ACOT9: variants seen among roughly 807,000 people sequenced by gnomAD.
ACOT9 encodes the protein acyl-coenzyme A thioesterase 9, mitochondrial.
In ACOT9, 34 loss-of-function variants were observed where a neutral mutation model predicts 39.7. The observed-to-expected ratio is 0.86, with a 90% CI of 0.65 to 1.14. ACOT9 has a LOEUF of 1.14. ACOT9 is among the 50% of genes most tolerant of loss of function. The pLI, the probability that ACOT9 is intolerant of heterozygous loss-of-function variation, is 0.00. For missense variants in ACOT9, 313 were observed against 344.1 expected, an observed-to-expected ratio of 0.91 and a Z score of 0.71; for synonymous variants, 110 against 120.5, an observed-to-expected ratio of 0.91 and a Z score of 0.57.
chrX:23,734,703 A>G (rs1003750572), intron 2 of ACOT9, among the ~76,000 whole-genome samples: 1 of 111,366 alleles, frequency 9.0e-6, no homozygotes, highest in East Asian at 2.8e-4. Context: ...ACTTAGTCTT[A>G]TTTCTGATTT....
chrX:23,719,821 C>G (rs1706152214), intron 8 of ACOT9, among the ~76,000 whole-genome samples: 1 of 101,753 alleles, frequency 9.8e-6, no homozygotes, highest in Non-Finnish European at 2.0e-5. Context: ...ACTCAATACC[C>G]TGGCATAAAT....
intron 3 of ACOT9, among the ~76,000 whole-genome samples, chrX:23,733,674 G>A (rs1297840742): frequency 9.0e-6 from 1 of 111,633 alleles, no homozygotes; most frequent in African/African-American, 3.3e-5. Flanking sequence ...CACCTCCCGG[G>A]TTCAGGCGAT....
chrX:23,743,121 C>A lies in ACOT9; in HGVS notation c.20+4G>T. 8.6e-7 allele frequency: 1 copy of A among 1,158,959 alleles called. No homozygotes were observed. Among genetic ancestry groups the A allele is most frequent in the Non-Finnish European group, 1.2e-6 (1 of 868,166 alleles). On this transcript the variant is annotated splice_donor_region_variant and intron_variant, in intron 1 of 15. Coordinates refer to ENST00000379303, the MANE Select transcript of ACOT9 (RefSeq NM_001037171.2). ...GCCAGCCCCTTCCACGCCCCGCCAC[C>A]TACCGCAGTGCTGCCCGCCTCATTG...
chrX:23,719,453 C>T (rs1377190612), intron 8 of ACOT9, among the ~76,000 whole-genome samples: 1 of 110,336 alleles, frequency 9.1e-6, no homozygotes, highest in Non-Finnish European at 1.9e-5. Flanking sequence ...AATGCTTCAT[C>T]ATTCCATAGC....
At position 23,706,739 on chromosome X, in the gene ACOT9, A is replaced by G; in HGVS notation, c.731T>C (p.Leu244Ser). 1 of 1,145,604 alleles carries G rather than the reference A, an allele frequency of 8.7e-7. No individual in the cohort carries two copies. Among genetic ancestry groups the G allele is most frequent in the Non-Finnish European group, 1.2e-6 (1 of 839,916 alleles). 94.4% of individuals were successfully genotyped at this position (1,145,604 alleles called of 1,213,427 possible). ...EEEELFRQGELNKGRRIAFSS... is the reference protein window; with the variant it reads ...EEEELFRQGESNKGRRIAFSS... ...GAAGGCAATTCTTCTCCCCTTGTTC[A>G]CTGGAACAAGGGAGAATAAGGAGCA... The change falls in exon 11 of 16, where the codon TTG (leucine) becomes TCG (serine). Residue 244 changes from leucine (L) to serine (S), a missense_variant and splice_region_variant. By Grantham distance (145) the Leu-to-Ser change is moderately radical. Transcript: ENST00000379303.
Position 23,721,758 on chromosome X carries a change from A to C in ACOT9, c.588+123T>G. On this transcript the variant is annotated intron_variant, in intron 8 of 15. Transcript: ENST00000379303. ...ACCATCCATATGACATGAGCTTTCA[A>C]CTGTTTTTCTAGAAGCAGTGAGCAA... 6.1e-6 allele frequency: 3 copies of C among 488,906 alleles called. No homozygotes were observed. In the South Asian group the frequency reaches 1.2e-4, roughly 19 times the overall value. The allele number at this position is 488,906 out of a possible 1,213,427, so 40.3% of individuals were successfully genotyped here. A position where few individuals can be genotyped will look rare whatever the true frequency, so the allele number is the denominator to read the frequency against.
In ACOT9 at chrX:23,722,678, T is replaced by G. The variant is rs1363140150; in HGVS notation, c.476A>C (p.Asp159Ala). ...AAAATGATATCACTTACCAATCTTA[T>G]CCACCAGGGCTGTAACTATCGATAA... ...SPLSIVTALV[D>A]KIDMCKKSLS... Residue 159 changes from aspartate (D) to alanine (A), a missense_variant, in exon 7 of 16, where the codon GAT becomes GCT. Asp to Ala is a moderately radical substitution (Grantham distance 126, BLOSUM62 -2). Transcript: ENST00000379303. 1 of 1,175,339 alleles carries G rather than the reference T, an allele frequency of 8.5e-7. No homozygotes were observed. The highest frequency in any genetic ancestry group is 2.3e-5 in the Admixed American group (1 of 43,773).
intron 9 of ACOT9, among the ~76,000 whole-genome samples, chrX:23,711,173 T>G (rs767852402): frequency 2.8e-5 from 3 of 108,908 alleles, no homozygotes; most frequent in African/African-American, 6.7e-5. Flanking sequence ...ACAAAACAAA[T>G]TAGCCAAGCA....
intron 6 of ACOT9, among the ~76,000 whole-genome samples, chrX:23,724,436 C>T (rs994483055): frequency 1.8e-5 from 2 of 110,788 alleles, no homozygotes; most frequent in Admixed American, 2.0e-4. Flanking sequence ...GAGCTTGAGA[C>T]TAGCCTGGGC....
chrX:23,741,736 G>A (rs1316648873), intron 1 of ACOT9, among the ~76,000 whole-genome samples: 1 of 111,517 alleles, frequency 9.0e-6, no homozygotes, highest in Non-Finnish European at 1.9e-5. Flanking sequence ...GTGCAGGGGC[G>A]CGATCTCAGC....
Position 23,708,985 on chromosome X carries a change from T to C in ACOT9, c.663-1041A>G, listed in dbSNP as rs186262342. Among the ~76,000 whole-genome samples, 929 of 112,430 alleles carry C rather than the reference T, an allele frequency of 8.3e-3. 8 individuals are homozygous for C. Among genetic ancestry groups the C allele is most frequent in the African/African-American group, 0.029 (886 of 31,064 alleles). On this transcript the variant is annotated intron_variant, in intron 9 of 15. Coordinates refer to ENST00000379303, the MANE Select transcript of ACOT9 (RefSeq NM_001037171.2). ...TGAAAGGCATACGTTTGTTGCATTATTCTATCTACTTTTCTGTAAGCATCA... is the reference window on the plus strand; with the variant it reads ...TGAAAGGCATACGTTTGTTGCATTACTCTATCTACTTTTCTGTAAGCATCA...
intron 5 of ACOT9, 108 bp downstream of exon 5, chrX:23,730,707 TG>T (rs1309421852): frequency 1.0e-6 from 1 of 971,571 alleles, no homozygotes; most frequent in Non-Finnish European, 1.4e-6. Flanking sequence ...ATCAAAACCA[TG>T]GAACTGTACA....
chrX:23,725,920 C>T (rs1019561042), intron 6 of ACOT9, among the ~76,000 whole-genome samples: 5 of 105,663 alleles, frequency 4.7e-5, no homozygotes, highest in African/African-American at 1.7e-4. Context: ...TTCAAAAGGC[C>T]GGGCGCAGTG....
At chrX:23,705,745 G>T in intron 12 of ACOT9, 23 bp downstream of exon 12, 19 of 1,180,873 alleles carry the variant, frequency 1.6e-5, no homozygotes, top group Non-Finnish European at 2.0e-5. Flanking sequence ...ATCCTATTCG[G>T]ATTTCTCACT....
At chrX:23,708,161 C>A (rs1928764746) in intron 9 of ACOT9, among the ~76,000 whole-genome samples, 1 of 112,347 alleles carries the variant, frequency 8.9e-6, no homozygotes. Flanking sequence ...AGGATACTGG[C>A]ATCTGCTAAA....
intron 1 of ACOT9, among the ~76,000 whole-genome samples, chrX:23,742,209 T>TGAGAGAGAGAGAGAGA (rs760648597): frequency 0.014 from 788 of 56,066 alleles, 48 homozygotes; most frequent in African/African-American, 0.06. Flanking sequence ...GAACAGTGAG[T>TGAGAGAGAGAGAGAGA]GAGTGAGAGA....
At chrX:23,741,316 A>T (rs973024063) in intron 1 of ACOT9, among the ~76,000 whole-genome samples, 2 of 107,497 alleles carry the variant, frequency 1.9e-5, no homozygotes, top group African/African-American at 6.8e-5. Context: ...TCTCTTCTGG[A>T]CATATATCCC....
At chrX:23,729,853 G>A (rs1404781224) in intron 6 of ACOT9, among the ~76,000 whole-genome samples, 1 of 110,758 alleles carries the variant, frequency 9.0e-6, no homozygotes, top group Non-Finnish European at 1.9e-5. Flanking sequence ...GGATGGTCTC[G>A]ATCTCCTGAC....
intron 6 of ACOT9, 44 bp downstream of exon 6, chrX:23,730,483 A>G (rs1291041663): frequency 9.8e-7 from 1 of 1,018,288 alleles, no homozygotes; most frequent in East Asian, 3.0e-5. Context: ...AATTCAATGT[A>G]TATCTGTAGG....
Sources: gnomAD v4.1 joint callset for allele counts (sites outside exome capture counted in the v4.1 genomes callset) on GRCh38, gnomAD v4.1.1 for gene constraint, MANE v1.5 for transcripts, NCBI Gene and HGNC (gene_info 2026-07-23, HGNC 2026-07-21) for gene names.